The following TANGO6 variants were observed in gnomAD, a reference collection of about 807,000 sequenced individuals.
TANGO6 encodes transport and Golgi organization protein 6 homolog.
TANGO6 carries 90 observed loss-of-function variants against 114.2 expected under a neutral mutation model. The ratio of observed to expected loss-of-function variants is 0.79; its 90% CI spans 0.66 to 0.94. The LOEUF is 0.94. TANGO6 is among the 40% of genes least tolerant of loss of function. The probability of loss-of-function intolerance (pLI) is 0.00; values close to 1 mark genes in which losing one functional copy is unlikely to be tolerated. For synonymous variants in TANGO6, 477 were observed against 509.8 expected (o/e 0.94, Z 0.87); for missense variants, 1,274 against 1,315.3 (o/e 0.97, Z 0.49).
chr16:69,046,830 T>C (rs1291090848), intron 17 of TANGO6, among the ~76,000 whole-genome samples: 1 of 151,966 alleles, frequency 6.6e-6, no homozygotes, highest in African/African-American at 2.4e-5. Context: ...GATGGAGTAC[T>C]AGAAATTATA....
At chr16:68,962,962 C>T (rs1029465960) in intron 14 of TANGO6, among the ~76,000 whole-genome samples, 47 of 148,744 alleles carry the variant, frequency 3.2e-4, no homozygotes, top group Admixed American at 3.0e-3. Context: ...GGCATGGTGG[C>T]GGGCGCCCGT....
At chr16:68,894,920 G>GCTTT (rs1708594770) in intron 7 of TANGO6, among the ~76,000 whole-genome samples, 1 of 152,054 alleles carries the variant, frequency 6.6e-6, no homozygotes, top group African/African-American at 2.4e-5. Flanking sequence ...CCACTAATCT[G>GCTTT]CTTTCCCTCT....
At chr16:69,063,899 C>T (rs1405462961) in intron 17 of TANGO6, among the ~76,000 whole-genome samples, 6 of 151,014 alleles carry the variant, frequency 4.0e-5, no homozygotes, top group Non-Finnish European at 8.8e-5. Context: ...TGCAATGGCA[C>T]GATCTCAACT....
chr16:69,024,220 T>A (rs562578243), intron 16 of TANGO6, among the ~76,000 whole-genome samples: 2 of 151,078 alleles, frequency 1.3e-5, no homozygotes, highest in Non-Finnish European at 2.9e-5. Context: ...TATTAATTAA[T>A]GAAATGTGCG....
At chr16:69,052,741 C>T (rs921422141) in intron 17 of TANGO6, among the ~76,000 whole-genome samples, 7 of 152,128 alleles carry the variant, frequency 4.6e-5, no homozygotes, top group African/African-American at 1.7e-4. Context: ...AGCTTTGCAA[C>T]TTGCTGGCAG....
At chr16:68,978,110 CATA>C (rs757238555) in intron 15 of TANGO6, among the ~76,000 whole-genome samples, 17 of 152,178 alleles carry the variant, frequency 1.1e-4, no homozygotes, top group Admixed American at 2.0e-4. Context: ...ATCATTCTCT[CATA>C]GTAGGTGTGA....
At chr16:69,057,660 T>A (rs781619167) in intron 17 of TANGO6, among the ~76,000 whole-genome samples, 3 of 152,144 alleles carry the variant, frequency 2.0e-5, no homozygotes, top group Non-Finnish European at 4.4e-5. Flanking sequence ...AACAGAAGGC[T>A]GCTTCCAATC....
At chr16:68,893,757 C>CAAAAAAAAAAAAAAAAAAGAAAAAAAAA (rs796651419) in intron 7 of TANGO6, among the ~76,000 whole-genome samples, 1 of 84,168 alleles carries the variant, frequency 1.2e-5, no homozygotes, top group South Asian at 3.8e-4. Flanking sequence ...AGAAAACAAC[C>CAAAAAAAAAAAAAAAAAAGAAAAAAAAA]AAAAAAAAAA....
At chr16:68,959,248 C>G (rs1175326364) in intron 14 of TANGO6, among the ~76,000 whole-genome samples, 1 of 152,112 alleles carries the variant, frequency 6.6e-6, no homozygotes, top group Non-Finnish European at 1.5e-5. Flanking sequence ...GCACCTATCA[C>G]AAAGACTTGC....
rs1034111973 is a variant in TANGO6, at chr16:69,017,772, C to T, written c.2843-5056C>T. 2.0e-5 allele frequency among the ~76,000 whole-genome samples: 3 copies of T among 152,140 alleles called. No individual in the cohort carries two copies. The East Asian group carries it at 5.8e-4, about 29-fold the overall frequency. On this transcript the variant is annotated intron_variant, in intron 15 of 17. Transcript: ENST00000261778. ...CTGCTGGTTGGCAGCAGGGCCAACCCTAGAACACAGATCTCTAACTCTGGA... is the reference window on the plus strand; with the variant it reads ...CTGCTGGTTGGCAGCAGGGCCAACCTTAGAACACAGATCTCTAACTCTGGA...
In TANGO6 at chr16:68,863,212, A is replaced by G. The variant is rs1183183102; in HGVS notation, c.852+151A>G. On this transcript the variant is annotated intron_variant, in intron 3 of 17. Coordinates refer to ENST00000261778, the MANE Select transcript of TANGO6 (RefSeq NM_024562.2). ...TTTAGATCATAAAATGATATTTATAAAACTAGATGACGCTGACCCTTAGGA... is the reference window on the plus strand; with the variant it reads ...TTTAGATCATAAAATGATATTTATAGAACTAGATGACGCTGACCCTTAGGA... 7 of 514,362 alleles carry G rather than the reference A, an allele frequency of 1.4e-5. No homozygotes were observed. In the Admixed American group the frequency reaches 2.5e-4, roughly 18 times the overall value. The allele number at this position is 514,362 out of a possible 1,614,324, so 31.9% of individuals were successfully genotyped here.
At chr16:68,928,687 G>C (rs1158356348) in intron 13 of TANGO6, among the ~76,000 whole-genome samples, 1 of 152,070 alleles carries the variant, frequency 6.6e-6, no homozygotes, top group African/African-American at 2.4e-5. Flanking sequence ...CCTTAATATG[G>C]CCATAACAAA....
At chr16:68,945,644 C>G (rs552276297) in intron 14 of TANGO6, among the ~76,000 whole-genome samples, 2 of 151,816 alleles carry the variant, frequency 1.3e-5, no homozygotes, top group African/African-American at 4.8e-5. Flanking sequence ...GAGTTCATTG[C>G]CCATTTGTAA....
intron 13 of TANGO6, among the ~76,000 whole-genome samples, chr16:68,928,932 T>C (rs1236084679): frequency 6.6e-6 from 1 of 152,146 alleles, no homozygotes; most frequent in Non-Finnish European, 1.5e-5. Context: ...TTGTTTTGTT[T>C]TTTTGAGACA....
At chr16:69,038,355 G>A (rs747032218) in intron 16 of TANGO6, among the ~76,000 whole-genome samples, 16 of 152,010 alleles carry the variant, frequency 1.1e-4, no homozygotes, top group East Asian at 9.7e-4. Flanking sequence ...GCTTGAACCC[G>A]GGAGGCAGAG....
intron 15 of TANGO6, among the ~76,000 whole-genome samples, chr16:68,985,696 G>C (rs990365597): frequency 8.5e-5 from 13 of 152,316 alleles, no homozygotes; most frequent in African/African-American, 3.1e-4. Context: ...CTAGGTGACA[G>C]AGTGAGACCC....
rs760746324 is a variant in TANGO6 at position 68,843,628 on chromosome 16, G to A, written c.11G>A (p.Arg4Gln). ...TGTTACACTCCAGTCATGGCGGCCCGACAGGCCGTGGGCAGCGGGGCTCAG... is the reference window on the plus strand; with the variant it reads ...TGTTACACTCCAGTCATGGCGGCCCAACAGGCCGTGGGCAGCGGGGCTCAG... MAA[R>Q]QAVGSGAQET... Residue 4 changes from arginine to glutamine, a missense_variant, in exon 1 of 18, where the codon CGA becomes CAA. Physicochemically the swap from Arg to Gln is conservative, Grantham distance 43. Around this residue, in one of 5 missense-constraint regions of TANGO6, gnomAD observed 114 missense variants for 104.6 expected, o/e 1.09. Transcript: ENST00000261778. 13 of 1,613,302 alleles carry A rather than the reference G, an allele frequency of 8.1e-6. No individual in the cohort carries two copies. The highest frequency in any genetic ancestry group is 1.1e-5 in the Non-Finnish European group (13 of 1,179,646).
chr16:68,978,461 A>G (rs1421784896), intron 15 of TANGO6, among the ~76,000 whole-genome samples: 2 of 152,208 alleles, frequency 1.3e-5, no homozygotes, highest in Non-Finnish European at 2.9e-5. Flanking sequence ...AGAGTGTCCA[A>G]CTGTAAACAT....
chr16:69,063,370 A>AAAAAATT (rs1200789500), intron 17 of TANGO6, among the ~76,000 whole-genome samples: 2 of 151,994 alleles, frequency 1.3e-5, no homozygotes, highest in East Asian at 3.9e-4. Flanking sequence ...TAAAAATACA[A>AAAAAATT]AAAAATTAGC....
Sources: gnomAD v4.1 joint callset for allele counts (sites outside exome capture counted in the v4.1 genomes callset) on GRCh38, gnomAD v4.1.1 for gene constraint, gnomAD v4.1.1 regional missense constraint, MANE v1.5 for transcripts, NCBI Gene and HGNC (gene_info 2026-07-23, HGNC 2026-07-21) for gene names.